Variants in TSHZ2 observed in about 807,000 individuals in gnomAD.
The protein encoded by TSHZ2 is teashirt zinc finger homeobox 2.
In TSHZ2, 21 loss-of-function variants were observed where a neutral mutation model predicts 74.4. The ratio of observed to expected loss-of-function variants is 0.28; its 90% CI spans 0.20 to 0.41. TSHZ2 has a LOEUF of 0.41. TSHZ2 is among the 10% of genes least tolerant of loss of function. The pLI is 1.00. For missense variants in TSHZ2, 1,244 were observed against 1,293.5 expected (o/e 0.96, Z 0.59); for synonymous variants, 540 against 515.3 (o/e 1.05, Z -0.65).
At chr20:53,473,306 A>T (rs1874889788) in intron 2 of TSHZ2, among the ~76,000 whole-genome samples, 1 of 143,264 alleles carries the variant, frequency 7.0e-6, no homozygotes, top group Non-Finnish European at 1.5e-5. Context: ...GCAGCTGGAG[A>T]TCTGAGAACG....
intron 2 of TSHZ2, among the ~76,000 whole-genome samples, chr20:53,482,600 G>A (rs6091685): frequency 0.2 from 30,482 of 152,110 alleles, 3,232 homozygotes; most frequent in East Asian, 0.3. Flanking sequence ...CCTACTATGT[G>A]CACACAAAAA....
chr20:53,179,396 G>C (rs1988419987), intron 1 of TSHZ2: 1 of 152,082 alleles, frequency 6.6e-6, no homozygotes, highest in African/African-American at 2.4e-5. Context: ...TTAATCACAG[G>C]TGCTGCATCC....
chr20:53,227,508 A>C (rs1438762420), intron 1 of TSHZ2, among the ~76,000 whole-genome samples: 2 of 151,400 alleles, frequency 1.3e-5, no homozygotes, highest in Non-Finnish European at 2.9e-5. Context: ...ACAGAGTAAT[A>C]CCTGTTATTA....
intron 1 of TSHZ2, among the ~76,000 whole-genome samples, chr20:53,216,222 T>C (rs1343288565): frequency 7.8e-6 from 1 of 128,316 alleles, no homozygotes; most frequent in Non-Finnish European, 1.9e-5. Flanking sequence ...CTGTCATCTG[T>C]TCTCACCTTG....
chr20:53,204,770 C>T (rs1447986967), intron 1 of TSHZ2, among the ~76,000 whole-genome samples: 1 of 151,998 alleles, frequency 6.6e-6, no homozygotes, highest in African/African-American at 2.4e-5. Flanking sequence ...TAGATGTGAA[C>T]ATTGAGTATT....
intron 1 of TSHZ2, among the ~76,000 whole-genome samples, chr20:52,984,036 A>T (rs1480757981): frequency 6.6e-6 from 1 of 152,226 alleles, no homozygotes; most frequent in Admixed American, 6.5e-5. Flanking sequence ...TCACCTCCAG[A>T]TAAGTGCCTG....
intron 2 of TSHZ2, among the ~76,000 whole-genome samples, chr20:53,471,704 G>A (rs1985806650): frequency 6.6e-6 from 1 of 151,906 alleles, no homozygotes; most frequent in East Asian, 1.9e-4. Flanking sequence ...TCAAGTGGCA[G>A]AGGGACCCAG....
chr20:53,100,865 C>G lies in TSHZ2; in HGVS notation c.40+127532C>G, dbSNP rs143050483. Among the ~76,000 whole-genome samples the G allele has an allele frequency of 4.8e-4, 73 of 152,256 alleles. 1 individual carries two copies. The highest frequency in any genetic ancestry group is 1.8e-3 in the African/African-American group (73 of 41,544). ...AGCCACCAACTAATTGCTTTATGCC[C>G]AACTCCCCTCGCCAGAGGCACACCC... On this transcript the variant is annotated intron_variant, in intron 1 of 2. Coordinates refer to ENST00000371497, the MANE Select transcript of TSHZ2 (RefSeq NM_173485.6).
At chr20:53,264,718 T>C (rs1328811609) in intron 2 of TSHZ2, among the ~76,000 whole-genome samples, 3 of 152,234 alleles carry the variant, frequency 2.0e-5, no homozygotes, top group Non-Finnish European at 1.5e-5. Context: ...AAGTTATTGT[T>C]CCGTGATATG....
chr20:53,109,087 C>T (rs1986458648), intron 1 of TSHZ2, among the ~76,000 whole-genome samples: 1 of 152,144 alleles, frequency 6.6e-6, no homozygotes, highest in South Asian at 2.1e-4. Context: ...CTGACTTCTC[C>T]TCTCTCCATA....
intron 1 of TSHZ2, among the ~76,000 whole-genome samples, chr20:53,173,292 A>G (rs1988245565): frequency 6.6e-6 from 1 of 152,212 alleles, no homozygotes; most frequent in Admixed American, 6.5e-5. Context: ...ACCTGCTAAA[A>G]TGCTAGGTAA....
At chr20:53,388,641 G>C (rs375226170) in intron 2 of TSHZ2, among the ~76,000 whole-genome samples, 138 of 144,248 alleles carry the variant, frequency 9.6e-4, no homozygotes, top group Non-Finnish European at 1.6e-3. Context: ...TTGCCCAGGC[G>C]ACCTTGGCTC....
At chr20:53,118,268 A>G (rs969952281) in intron 1 of TSHZ2, among the ~76,000 whole-genome samples, 1 of 152,208 alleles carries the variant, frequency 6.6e-6, no homozygotes, top group African/African-American at 2.4e-5. Flanking sequence ...AATAGATTTT[A>G]ATTTTAGGGG....
At chr20:53,134,923 C>T (rs1012035083) in intron 1 of TSHZ2, among the ~76,000 whole-genome samples, 3 of 151,384 alleles carry the variant, frequency 2.0e-5, no homozygotes, top group Non-Finnish European at 4.4e-5. Flanking sequence ...CTGTTTGTGA[C>T]ATTTATACTC....
intron 1 of TSHZ2, among the ~76,000 whole-genome samples, chr20:53,161,744 C>G (rs58581671): frequency 0.02 from 2,985 of 152,306 alleles, 111 homozygotes; most frequent in African/African-American, 0.068. Flanking sequence ...GTACCTGCCT[C>G]AACACGTGGA....
intron 2 of TSHZ2, among the ~76,000 whole-genome samples, chr20:53,290,637 G>A (rs1305319648): frequency 6.6e-6 from 1 of 152,100 alleles, no homozygotes; most frequent in African/African-American, 2.4e-5. Context: ...CAGAATTCTA[G>A]GTAAGAGGAA....
chr20:53,285,694 G>A (rs749861231), intron 2 of TSHZ2, among the ~76,000 whole-genome samples: 16 of 150,562 alleles, frequency 1.1e-4, no homozygotes, highest in South Asian at 2.1e-4. Flanking sequence ...TGGGGCCGCA[G>A]AGCAAGACTC....
chr20:53,311,874 G>C (rs567641312), intron 2 of TSHZ2, among the ~76,000 whole-genome samples: 56 of 152,252 alleles, frequency 3.7e-4, no homozygotes, highest in African/African-American at 1.3e-3. Flanking sequence ...TTAAACCCAA[G>C]AGTTTGAGAC....
chr20:53,054,092 C>T (rs1050816635), intron 1 of TSHZ2, among the ~76,000 whole-genome samples: 3 of 152,170 alleles, frequency 2.0e-5, no homozygotes, highest in African/African-American at 7.2e-5. Context: ...CGGAGCGAAT[C>T]GAGGAACGAT....
Sources: gnomAD v4.1 joint callset for allele counts (sites outside exome capture counted in the v4.1 genomes callset) on GRCh38, gnomAD v4.1.1 for gene constraint, MANE v1.5 for transcripts, NCBI Gene and HGNC (gene_info 2026-07-23, HGNC 2026-07-21) for gene names.